Variants in RDH12 observed in about 807,000 individuals in gnomAD.
The protein encoded by RDH12 is retinol dehydrogenase 12.
In RDH12, 21 loss-of-function variants were observed where a neutral mutation model predicts 34.0. The observed-to-expected ratio is 0.62, with a 90% CI of 0.44 to 0.89. The LOEUF (loss-of-function observed/expected upper bound fraction) is 0.89, where lower values mean the gene tolerates loss of function less well. RDH12 is among the 40% of genes least tolerant of loss of function. RDH12 has a pLI of 0.00. For synonymous variants in RDH12, 198 were observed against 169.9 expected, an observed-to-expected ratio of 1.17 and a Z score of -1.29; for missense variants, 394 against 398.6, an observed-to-expected ratio of 0.99 and a Z score of 0.10.
At chr14:67,713,632 T>G (rs2038035916) in intron 1 of RDH12, among the ~76,000 whole-genome samples, 3 of 152,214 alleles carry the variant, frequency 2.0e-5, no homozygotes, top group Admixed American at 6.5e-5. Flanking sequence ...TAACAAAATG[T>G]AAACCCAGAA....
intron 7 of RDH12, 138 bp from the exon 8 acceptor site, chr14:67,729,053 C>T: frequency 1.1e-6 from 1 of 872,896 alleles, no homozygotes; most frequent in Non-Finnish European, 1.9e-6. Context: ...TCCGCCTGGC[C>T]AGGAGTGGTA....
At chr14:67,716,191 C>T (rs1222594025) in intron 1 of RDH12, among the ~76,000 whole-genome samples, 32 of 139,430 alleles carry the variant, frequency 2.3e-4, no homozygotes, top group Middle Eastern at 3.7e-3. Context: ...AGTGAGACTC[C>T]GTCTCAAAAA....
chr14:67,727,865 G>C (rs1335360434), intron 7 of RDH12: 1 of 153,376 alleles, frequency 6.5e-6, no homozygotes, highest in Non-Finnish European at 1.4e-5. Context: ...TTTAAACCTA[G>C]GGTGCTTCCT....
intron 1 of RDH12, among the ~76,000 whole-genome samples, chr14:67,711,509 T>C (rs1002899993): frequency 2.0e-5 from 3 of 152,250 alleles, no homozygotes; most frequent in African/African-American, 7.2e-5. Context: ...TATTTGATGA[T>C]TTAAGTGCTT....
intron 5 of RDH12, among the ~76,000 whole-genome samples, chr14:67,725,504 T>A (rs2038175138): frequency 6.6e-6 from 1 of 152,236 alleles, no homozygotes; most frequent in Non-Finnish European, 1.5e-5. Flanking sequence ...GGCTTGCACC[T>A]TGGCATCAAG....
At chr14:67,707,110 A>G (rs142714300) in intron 1 of RDH12, among the ~76,000 whole-genome samples, 1,931 of 152,310 alleles carry the variant, frequency 0.013, 53 homozygotes, top group African/African-American at 0.044. Context: ...GTCTAGCTTC[A>G]GTTTGCAGAG....
At chr14:67,707,643 G>A (rs2037965059) in intron 1 of RDH12, among the ~76,000 whole-genome samples, 1 of 152,096 alleles carries the variant, frequency 6.6e-6, no homozygotes, top group Admixed American at 6.5e-5. Flanking sequence ...TGGCCAGGCT[G>A]GTAAGAATAA....
At chr14:67,722,252 A>G (rs1376191441) in intron 2 of RDH12, among the ~76,000 whole-genome samples, 172 bp from the exon 3 acceptor site, 1 of 152,170 alleles carries the variant, frequency 6.6e-6, no homozygotes, top group Non-Finnish European at 1.5e-5. Context: ...GAAATATTCT[A>G]TATATTCCAT....
intron 1 of RDH12, among the ~76,000 whole-genome samples, chr14:67,707,551 C>A (rs2037964265): frequency 6.6e-6 from 1 of 152,194 alleles, no homozygotes; most frequent in African/African-American, 2.4e-5. Context: ...GCCTCAGCTT[C>A]CCAAGTAGCT....
intron 8 of RDH12, among the ~76,000 whole-genome samples, chr14:67,731,055 G>A (rs1428850012): frequency 6.6e-6 from 1 of 151,950 alleles, no homozygotes; most frequent in African/African-American, 2.4e-5. Context: ...GTTAAATAAA[G>A]TACATATTTA....
intron 3 of RDH12, among the ~76,000 whole-genome samples, chr14:67,723,107 A>G (rs947726245): frequency 1.3e-5 from 2 of 152,222 alleles, no homozygotes; most frequent in African/African-American, 4.8e-5. Context: ...CATGCTGTTA[A>G]GTACCAGGTA....
intron 8 of RDH12, among the ~76,000 whole-genome samples, chr14:67,732,720 G>A (rs2038298985): frequency 6.6e-6 from 1 of 152,040 alleles, no homozygotes; most frequent in Non-Finnish European, 1.5e-5. Context: ...GGGATTACGG[G>A]TGCCCACCAC....
intron 1 of RDH12, among the ~76,000 whole-genome samples, chr14:67,709,649 T>C (rs1356230029): frequency 6.6e-6 from 1 of 152,224 alleles, no homozygotes; most frequent in African/African-American, 2.4e-5. Context: ...TTAATAGCTT[T>C]AATTTCTGGC....
chr14:67,731,715 C>G (rs949340286), intron 8 of RDH12, among the ~76,000 whole-genome samples: 1 of 152,016 alleles, frequency 6.6e-6, no homozygotes, highest in Non-Finnish European at 1.5e-5. Context: ...ACATAGAGAA[C>G]AGTCTGGAGG....
chr14:67,708,447 TA>T (rs1243222864), intron 1 of RDH12, among the ~76,000 whole-genome samples: 6 of 152,144 alleles, frequency 3.9e-5, no homozygotes, highest in Admixed American at 1.3e-4. Flanking sequence ...TAGCTGATTA[TA>T]AAACCACCTT....
Position 67,725,471 on chromosome 14 carries a change from C to T in RDH12, c.343+217C>T, listed in dbSNP as rs184332092. ...CTTTTCGCCTCAGCAATGGGAATGT[C>T]GGAGGTGTTAGCTCCCTGTCTGGGC... On this transcript the variant is annotated intron_variant, in intron 5 of 8. Coordinates refer to ENST00000551171, the MANE Select transcript of RDH12 (RefSeq NM_152443.3). Among the ~76,000 whole-genome samples, 627 of 152,296 alleles carry T rather than the reference C, an allele frequency of 4.1e-3. 3 individuals carry two copies. Among genetic ancestry groups the T allele is most frequent in the Middle Eastern group, 0.031 (9 of 294 alleles).
At chr14:67,731,596 TAC>T (rs1456241215) in intron 8 of RDH12, among the ~76,000 whole-genome samples, 2 of 152,016 alleles carry the variant, frequency 1.3e-5, no homozygotes, top group South Asian at 2.1e-4. Flanking sequence ...TAATAAAATA[TAC>T]AGTCATTAAA....
intron 8 of RDH12, among the ~76,000 whole-genome samples, chr14:67,731,529 C>A (rs976184094): frequency 6.6e-6 from 1 of 151,888 alleles, no homozygotes; most frequent in Non-Finnish European, 1.5e-5. Context: ...CATCATATTT[C>A]TATTGGACAG....
chr14:67,731,207 CTTTTTTTTTTTT>C (rs71129853), intron 8 of RDH12, among the ~76,000 whole-genome samples: 1 of 90,622 alleles, frequency 1.1e-5, no homozygotes, highest in Non-Finnish European at 2.0e-5. Context: ...TTCTTTCTTT[CTTTTTTTTTTTT>C]TTTTTTTTTT....
Sources: gnomAD v4.1 joint callset for allele counts (sites outside exome capture counted in the v4.1 genomes callset) on GRCh38, gnomAD v4.1.1 for gene constraint, MANE v1.5 for transcripts, NCBI Gene and HGNC (gene_info 2026-07-23, HGNC 2026-07-21) for gene names.